The following ETFA variants were observed in gnomAD, a reference collection of about 807,000 sequenced individuals.
ETFA encodes the protein electron transfer flavoprotein subunit alpha.
A neutral mutation model predicts 46.2 loss-of-function variants in ETFA; 22 were observed. The observed-to-expected ratio is 0.48, with a 90% CI of 0.34 to 0.68. The LOEUF is 0.68. Among genes scored for constraint, ETFA ranks in the 30% least tolerant of loss-of-function variants. ETFA has a pLI of 0.01. For missense variants in ETFA, 345 were observed against 401.1 expected, an observed-to-expected ratio of 0.86 and a Z score of 1.19; for synonymous variants, 131 against 139.9, an observed-to-expected ratio of 0.94 and a Z score of 0.45.
chr15:76,305,215 A>G (rs2141556203), intron 1 of ETFA, among the ~76,000 whole-genome samples: 1 of 152,296 alleles, frequency 6.6e-6, no homozygotes, highest in East Asian at 1.9e-4. Context: ...TATGTTCTGT[A>G]ACAATGACCA....
chr15:76,255,721 A>AGTGGTG (rs914267986), intron 9 of ETFA, among the ~76,000 whole-genome samples: 2 of 152,222 alleles, frequency 1.3e-5, no homozygotes, highest in African/African-American at 4.8e-5. Flanking sequence ...AATGAACACA[A>AGTGGTG]GTGGTGATGA....
At chr15:76,291,260 C>T (rs1405981531) in intron 4 of ETFA, among the ~76,000 whole-genome samples, 3 of 151,726 alleles carry the variant, frequency 2.0e-5, no homozygotes, top group Non-Finnish European at 2.9e-5. Flanking sequence ...CTGGTCAACA[C>T]GGCGAAACCC....
chr15:76,233,201 C>A (rs1446643673), intron 9 of ETFA, among the ~76,000 whole-genome samples: 1 of 152,108 alleles, frequency 6.6e-6, no homozygotes, highest in Non-Finnish European at 1.5e-5. Flanking sequence ...TCAATTGTGA[C>A]CCTACATAGT....
intron 9 of ETFA, among the ~76,000 whole-genome samples, chr15:76,239,677 T>C (rs1030108987): frequency 2.0e-5 from 3 of 152,100 alleles, no homozygotes; most frequent in African/African-American, 7.2e-5. Flanking sequence ...TAATATGCTT[T>C]AGCTGAAGTC....
Position 76,287,892 on chromosome 15 carries a change from G to T in ETFA, c.405C>A (p.Ile135=), listed in dbSNP as rs773433459. 6.2e-7 allele frequency: 1 copy of T among 1,614,052 alleles called. No homozygotes were observed. Among genetic ancestry groups the T allele is most frequent in the South Asian group, 1.1e-5 (1 of 91,080 alleles). ...AKLEVAPISD[I]IAIKSPDTFV... ...ATGTGTCAGGTGACTTGATTGCAAT[G>T]ATGTCAGAAATCGGGGCAACCTCAA... The change falls in exon 5 of 12, where the codon ATC becomes ATA. Residue 135 remains isoleucine (I), a synonymous_variant. Coordinates refer to ENST00000557943, the MANE Select transcript of ETFA (RefSeq NM_000126.4).
intron 9 of ETFA, among the ~76,000 whole-genome samples, chr15:76,253,463 T>C (rs1331488273): frequency 6.6e-6 from 1 of 152,166 alleles, no homozygotes; most frequent in African/African-American, 2.4e-5. Flanking sequence ...AGAGCAGTGC[T>C]GATGATGCTT....
intron 1 of ETFA, among the ~76,000 whole-genome samples, chr15:76,296,240 C>T (rs758054126): frequency 6.6e-6 from 1 of 152,022 alleles, no homozygotes; most frequent in Non-Finnish European, 1.5e-5. Flanking sequence ...CGCCACCGCA[C>T]CTGGCCTACT....
chr15:76,295,782 C>CA (rs2039812323), intron 1 of ETFA, 45 bp from the exon 2 acceptor site: 8 of 1,391,038 alleles, frequency 5.8e-6, no homozygotes, highest in Non-Finnish European at 7.8e-6. Context: ...AATGTTGTCA[C>CA]AGGGTTTTTT....
rs1463419010 is a variant in ETFA at position 76,216,431 on chromosome 15, G to C, written c.*128C>G. On this transcript the variant is annotated 3_prime_UTR_variant, in exon 12 of 12. Coordinates refer to ENST00000557943, the MANE Select transcript of ETFA (RefSeq NM_000126.4). ...TAAACAAGCATTCTGGCATCTGTTA[G>C]AAATTTTCCCTCAAATTATGAAATG... 5 of 648,156 alleles carry C rather than the reference G, an allele frequency of 7.7e-6. No individual in the cohort carries two copies. The highest frequency in any genetic ancestry group is 1.8e-5 in the African/African-American group (1 of 54,896). 40.2% of individuals were successfully genotyped at this position (648,156 alleles called of 1,614,324 possible).
Position 76,226,008 on chromosome 15 carries a change from A to G in ETFA, c.883-79T>C. 2.0e-5 allele frequency: 4 copies of G among 198,346 alleles called. 1 individual carries two copies. The highest frequency in any genetic ancestry group is 1.8e-5 in the Non-Finnish European group (2 of 109,280). The allele number at this position is 198,346 out of a possible 1,614,324, so 12.3% of individuals were successfully genotyped here. A position where few individuals can be genotyped will look rare whatever the true frequency, so the allele number is the denominator to read the frequency against. ...ACTGATAGTTCTATTTTAACTTCCA[A>G]TATATTAATATTCTTAAAATGTCTA... On this transcript the variant is annotated intron_variant, in intron 10 of 11. Coordinates refer to ENST00000557943, the MANE Select transcript of ETFA (RefSeq NM_000126.4).
At chr15:76,228,499 A>G (rs2039028562) in intron 10 of ETFA, among the ~76,000 whole-genome samples, 1 of 152,120 alleles carries the variant, frequency 6.6e-6, no homozygotes, top group South Asian at 2.1e-4. Flanking sequence ...GCCTGCCTTA[A>G]AAGTTATTTT....
At chr15:76,254,685 A>C (rs958560124) in intron 9 of ETFA, among the ~76,000 whole-genome samples, 2 of 152,186 alleles carry the variant, frequency 1.3e-5, no homozygotes, top group African/African-American at 4.8e-5. Context: ...CAGAGGTGCC[A>C]AGACTTTTAA....
In ETFA at chr15:76,260,799, G is replaced by A. The variant is rs1296548248; in HGVS notation, c.816+13613C>T. 3 of 1,606,450 alleles carry A rather than the reference G, an allele frequency of 1.9e-6. No individual in the cohort carries two copies. The African/African-American group carries it at 4.0e-5, about 21-fold the overall frequency. ...GTCAGCATAAGGAGAGGGCCCCAAA[G>A]CATTGGCACAGCACACCCTGAGGCT... On this transcript the variant is annotated intron_variant, in intron 9 of 11. Coordinates refer to ENST00000557943, the MANE Select transcript of ETFA (RefSeq NM_000126.4).
chr15:76,228,137 T>C (rs1159458588), intron 10 of ETFA: 2 of 367,058 alleles, frequency 5.4e-6, no homozygotes, highest in Non-Finnish European at 1.1e-5. Flanking sequence ...GTCAGACATC[T>C]GGGAGTTTAA....
chr15:76,224,391 C>T (rs148618909), intron 11 of ETFA, among the ~76,000 whole-genome samples: 72 of 152,290 alleles, frequency 4.7e-4, no homozygotes, highest in Admixed American at 9.8e-4. Flanking sequence ...AGCTCTTTGG[C>T]GGGGGCCTTC....
In ETFA at chr15:76,223,077, C is replaced by T. The variant is rs554836429; in HGVS notation, c.963+2772G>A. ...CTCCTACTCCTGGACTCAAGTGATC[C>T]GCCTTTCCTCGGCCTTCCAAAGTAC... is the stretch of plus-strand genomic sequence containing the variant. On this transcript the variant is annotated intron_variant, in intron 11 of 11. Coordinates refer to ENST00000557943, the MANE Select transcript of ETFA (RefSeq NM_000126.4). 1.1e-4 allele frequency among the ~76,000 whole-genome samples: 16 copies of T among 152,164 alleles called. No individual in the cohort carries two copies. The South Asian group carries it at 2.7e-3, about 26-fold the overall frequency.
intron 11 of ETFA, among the ~76,000 whole-genome samples, chr15:76,218,647 G>T (rs1160001294): frequency 2.6e-5 from 4 of 152,230 alleles, no homozygotes; most frequent in Non-Finnish European, 5.9e-5. Flanking sequence ...TTCATTGAGT[G>T]TCTGATGGCC....
chr15:76,285,727 A>T lies in ETFA; in HGVS notation c.574T>A (p.Ser192Thr). The change falls in exon 7 of 12, where the codon TCA (serine) becomes ACA (threonine). Residue 192 changes from serine (S) to threonine (T), a missense_variant. By Grantham distance (58) the Ser-to-Thr change is moderately conservative (BLOSUM62 1). Transcript: ENST00000557943. ...SASSEKASSTSPVEISEWLDQ... is the reference protein window; with the variant it reads ...SASSEKASSTTPVEISEWLDQ... ...AGCCACTCTGATATTTCCACTGGTG[A>T]AGTACTTGATGCTGCATACATTAAT... 1 of 1,596,490 alleles carries T rather than the reference A, an allele frequency of 6.3e-7. No individual in the cohort carries two copies. The highest frequency in any genetic ancestry group is 8.6e-7 in the Non-Finnish European group (1 of 1,164,072).
chr15:76,254,717 T>TA (rs368046819), intron 9 of ETFA, among the ~76,000 whole-genome samples: 31 of 152,318 alleles, frequency 2.0e-4, no homozygotes, highest in African/African-American at 7.5e-4. Flanking sequence ...CTCTGATGGC[T>TA]AATAGAATGT....
Sources: allele counts gnomAD v4.1 joint callset (sites outside exome capture counted in the v4.1 genomes callset), GRCh38; gene constraint gnomAD v4.1.1; transcripts MANE v1.5; gene names NCBI Gene and HGNC (gene_info 2026-07-23, HGNC 2026-07-21).